The following KCNMA1 variants were observed in gnomAD, a reference collection of about 807,000 sequenced individuals.
KCNMA1 encodes the protein Calcium-activated potassium channel subunit alpha-1.
KCNMA1 carries 29 observed loss-of-function variants against 140.0 expected under a neutral mutation model. The observed-to-expected ratio is 0.21, with a 90% CI of 0.15 to 0.28. KCNMA1 has a LOEUF of 0.28. KCNMA1 is among the 10% of genes least tolerant of loss of function. KCNMA1 has a pLI of 1.00. For synonymous variants in KCNMA1, 612 were observed against 611.9 expected (o/e 1.00, Z 0.00); for missense variants, 880 against 1,602.2 (o/e 0.55, Z 7.70).
chr10:77,237,329 T>G (rs1330573349), intron 3 of KCNMA1, among the ~76,000 whole-genome samples: 1 of 152,328 alleles, frequency 6.6e-6, no homozygotes, highest in Non-Finnish European at 1.5e-5. Context: ...AAAGACTTCA[T>G]AGCTTGGAAA....
intron 1 of KCNMA1, among the ~76,000 whole-genome samples, chr10:77,605,373 C>T (rs1007001601): frequency 1.3e-5 from 2 of 152,214 alleles, no homozygotes; most frequent in Non-Finnish European, 2.9e-5. Context: ...GCAAGTGGGA[C>T]GTGATTCCCA....
chr10:77,057,259 A>G (rs2095574147), intron 14 of KCNMA1, among the ~76,000 whole-genome samples: 1 of 152,196 alleles, frequency 6.6e-6, no homozygotes, highest in Non-Finnish European at 1.5e-5. Context: ...GGAGGCAAGA[A>G]GAAAGTAGAA....
At chr10:76,943,430 T>A (rs2063113544) in intron 23 of KCNMA1, among the ~76,000 whole-genome samples, 1 of 152,048 alleles carries the variant, frequency 6.6e-6, no homozygotes, top group African/African-American at 2.4e-5. Flanking sequence ...AAGGGGAAGG[T>A]TCTCTTAAGC....
intron 22 of KCNMA1, among the ~76,000 whole-genome samples, chr10:76,945,967 A>G (rs900923516): frequency 7.9e-5 from 12 of 152,212 alleles, no homozygotes; most frequent in Admixed American, 6.5e-5. Context: ...TTCACTTTAT[A>G]TACTTCTATA....
At chr10:77,433,681 T>C (rs2097196970) in intron 1 of KCNMA1, 1 of 152,186 alleles carries the variant, frequency 6.6e-6, no homozygotes, top group Non-Finnish European at 1.5e-5. Flanking sequence ...TACAGAGGGT[T>C]GCAACCCCCA....
chr10:77,395,779 C>T (rs1459876776), intron 2 of KCNMA1, among the ~76,000 whole-genome samples: 1 of 152,222 alleles, frequency 6.6e-6, no homozygotes, highest in Non-Finnish European at 1.5e-5. Flanking sequence ...AAATGCGATC[C>T]TGCTGCTCTT....
intron 2 of KCNMA1, among the ~76,000 whole-genome samples, chr10:77,377,487 C>T (rs149411135): frequency 6.6e-6 from 1 of 152,122 alleles, no homozygotes; most frequent in Non-Finnish European, 1.5e-5. Context: ...AGATGGGTCC[C>T]TCTGGGGTGT....
At position 77,086,506 on chromosome 10, in the gene KCNMA1, A is replaced by G. The variant is rs2096694173; in HGVS notation, c.1422T>C (p.His474=). The G allele has an allele frequency of 6.2e-7, 1 of 1,612,548 alleles. No individual in the cohort carries two copies. Among genetic ancestry groups the G allele is most frequent in the Non-Finnish European group, 8.5e-7 (1 of 1,178,628 alleles). ...EFYQGSVLNP[H]DLARVKIESA... is the part of the protein sequence containing the mutation. ...TCCTTACCTTGACTCTTGCAAGATC[A>G]TGTGGATTGAGGACGGAACCCTGAT... Residue 474 remains histidine (H), a synonymous_variant, in exon 11 of 28, where the codon CAT becomes CAC. Transcript: ENST00000286628.
chr10:77,159,628 C>T (rs2098532314), intron 5 of KCNMA1, among the ~76,000 whole-genome samples: 1 of 152,134 alleles, frequency 6.6e-6, no homozygotes, highest in Non-Finnish European at 1.5e-5. Flanking sequence ...GGCCTTTGTT[C>T]ATTTGCAAAC....
intron 1 of KCNMA1, chr10:77,634,761 G>C (rs898611906): frequency 1.2e-4 from 42 of 353,234 alleles, no homozygotes; most frequent in Non-Finnish European, 1.5e-4. Context: ...TACTTGGAAA[G>C]AAAAAAGAAA....
chr10:77,470,755 A>G (rs2098131466), intron 1 of KCNMA1, among the ~76,000 whole-genome samples: 1 of 152,140 alleles, frequency 6.6e-6, no homozygotes, highest in Admixed American at 6.5e-5. Flanking sequence ...ACCTCATTTC[A>G]AGCAACCAGG....
chr10:77,199,827 T>C (rs977451894), intron 3 of KCNMA1, among the ~76,000 whole-genome samples: 1 of 152,120 alleles, frequency 6.6e-6, no homozygotes, highest in Non-Finnish European at 1.5e-5. Context: ...CTAAGTAGAT[T>C]GTAAGGTTGG....
chr10:77,328,151 T>C (rs1468988700), intron 2 of KCNMA1, among the ~76,000 whole-genome samples: 1 of 152,224 alleles, frequency 6.6e-6, no homozygotes, highest in Non-Finnish European at 1.5e-5. Context: ...CCAAGATTTG[T>C]TGTTGGGAAT....
intron 1 of KCNMA1, chr10:77,634,768 G>C (rs1351264788): frequency 1.1e-5 from 3 of 280,516 alleles, no homozygotes; most frequent in South Asian, 2.9e-4. Flanking sequence ...AAAGAAAAAA[G>C]AAAAAAAGAC....
chr10:76,937,535 G>A (rs7070378), intron 23 of KCNMA1, among the ~76,000 whole-genome samples: 11,326 of 152,258 alleles, frequency 0.074, 779 homozygotes, highest in African/African-American at 0.18. Context: ...AATGCATTCT[G>A]TCCTGTGGAT....
At chr10:77,614,065 T>C (rs2154568494) in intron 1 of KCNMA1, among the ~76,000 whole-genome samples, 1 of 152,208 alleles carries the variant, frequency 6.6e-6, no homozygotes, top group Admixed American at 6.5e-5. Flanking sequence ...CAGGCCTGGG[T>C]GGGTGTCTAG....
In KCNMA1 at chr10:77,170,730, G is replaced by A. The variant is rs550463172; in HGVS notation, c.808+12691C>T. On this transcript the variant is annotated intron_variant, in intron 5 of 27. Coordinates refer to ENST00000286628, the MANE Select transcript of KCNMA1 (RefSeq NM_001161352.2). ...CCTAATTTCAGAGAGTTTAGGAAGC[G>A]ATATCAACCAAATTGGCTCTAGACA... Among the ~76,000 whole-genome samples the A allele has an allele frequency of 5.9e-5, 9 of 152,284 alleles. No homozygotes were observed. The East Asian group carries it at 1.2e-3, about 20-fold the overall frequency.
intron 1 of KCNMA1, among the ~76,000 whole-genome samples, chr10:77,429,012 A>G (rs610097): frequency 0.49 from 74,124 of 151,976 alleles, 19,665 homozygotes; most frequent in African/African-American, 0.7. Flanking sequence ...ACCAGCTCTC[A>G]GGCTGCCAGG....
intron 1 of KCNMA1, among the ~76,000 whole-genome samples, chr10:77,540,897 C>G (rs1345375150): frequency 6.6e-6 from 1 of 151,792 alleles, no homozygotes; most frequent in East Asian, 1.9e-4. Context: ...CCCAACTACT[C>G]AGGAGGCTGA....
Sources: allele counts gnomAD v4.1 joint callset (sites outside exome capture counted in the v4.1 genomes callset), GRCh38; gene constraint gnomAD v4.1.1; transcripts MANE v1.5; gene names NCBI Gene and HGNC (gene_info 2026-07-23, HGNC 2026-07-21).